Variants in DHX35 observed in about 807,000 individuals in gnomAD.
DHX35 encodes probable ATP-dependent RNA helicase DHX35.
DHX35 carries 84 observed loss-of-function variants against 99.6 expected under a neutral mutation model. The observed-to-expected ratio is 0.84, with a 90% CI of 0.71 to 1.01. DHX35 has a LOEUF of 1.01. Among genes scored for constraint, DHX35 ranks in the 50% least tolerant of loss-of-function variants. The pLI is 0.00. For synonymous variants in DHX35, 331 were observed against 316.2 expected (o/e 1.05, Z -0.50); for missense variants, 852 against 888.5 (o/e 0.96, Z 0.52).
chr20:39,028,967 A>G (rs780881747), intron 19 of DHX35, among the ~76,000 whole-genome samples: 7 of 152,182 alleles, frequency 4.6e-5, no homozygotes, highest in Non-Finnish European at 8.8e-5. Context: ...GCCTCCTGCT[A>G]CATAACCTGA....
chr20:38,977,937 A>G, intron 3 of DHX35: 1 of 606,924 alleles, frequency 1.6e-6, no homozygotes, highest in Non-Finnish European at 3.1e-6. Flanking sequence ...CATCATCATT[A>G]GCAGCAGCAG....
intron 3 of DHX35, among the ~76,000 whole-genome samples, chr20:38,982,767 A>G (rs1484350095): frequency 2.6e-5 from 4 of 152,076 alleles, no homozygotes; most frequent in Non-Finnish European, 5.9e-5. Context: ...TCTTTTTTCT[A>G]TTGTAGAAGT....
At position 39,023,728 on chromosome 20, in the gene DHX35, C is replaced by T. The variant is rs766314648; in HGVS notation, c.1632C>T (p.Asp544=). ...VHRKFAVEEG[D]HLTMLNIYEA... is the part of the protein sequence containing the mutation. ...GTAAATTTGCTGTGGAGGAGGGCGA[C>T]CACCTCACTATGCTCAATATATATG... The change falls in exon 17 of 22, where the codon GAC becomes GAT. Residue 544 remains aspartate (D), a synonymous_variant. Coordinates refer to ENST00000252011, the MANE Select transcript of DHX35 (RefSeq NM_021931.4). 2.5e-6 allele frequency: 4 copies of T among 1,614,066 alleles called. No individual in the cohort carries two copies. Among genetic ancestry groups the T allele is most frequent in the Non-Finnish European group, 3.4e-6 (4 of 1,179,988 alleles).
chr20:39,006,496 C>G (rs1049534415), intron 12 of DHX35, 140 bp downstream of exon 12: 3 of 872,930 alleles, frequency 3.4e-6, no homozygotes, highest in Non-Finnish European at 5.2e-6. Flanking sequence ...AATCAGATCC[C>G]CACTGCTTTC....
At chr20:38,981,800 C>T (rs769489751) in intron 3 of DHX35, among the ~76,000 whole-genome samples, 24 of 151,888 alleles carry the variant, frequency 1.6e-4, no homozygotes, top group Non-Finnish European at 2.5e-4. Flanking sequence ...AAAAATTAGC[C>T]GGGCATGGTG....
chr20:39,023,593 T>A, intron 16 of DHX35, 97 bp from the exon 17 acceptor site: 1 of 1,151,440 alleles, frequency 8.7e-7, no homozygotes, highest in Non-Finnish European at 1.3e-6. Context: ...GTTCAGGCAA[T>A]CCTCCCACCT....
At chr20:39,029,710 C>T (rs1437734254) in intron 19 of DHX35, 5 of 151,996 alleles carry the variant, frequency 3.3e-5, no homozygotes, top group Admixed American at 2.0e-4. Flanking sequence ...TTTTGACTAG[C>T]GTTTGGAAAA....
intron 2 of DHX35, among the ~76,000 whole-genome samples, chr20:38,971,871 A>G (rs1037609081): frequency 3.3e-5 from 5 of 152,106 alleles, no homozygotes; most frequent in African/African-American, 4.8e-5. Flanking sequence ...ACTTTTGTTG[A>G]TCAACATTTA....
At chr20:38,975,838 C>G (rs984153609) in intron 3 of DHX35, among the ~76,000 whole-genome samples, 1 of 152,186 alleles carries the variant, frequency 6.6e-6, no homozygotes, top group Non-Finnish European at 1.5e-5. Context: ...CTTAAAACTT[C>G]TGACCAAAAG....
intron 17 of DHX35, among the ~76,000 whole-genome samples, chr20:39,024,993 T>G (rs2086930151): frequency 6.6e-6 from 1 of 152,224 alleles, no homozygotes; most frequent in Non-Finnish European, 1.5e-5. Context: ...CGTTTCTGCG[T>G]GTCATTAAGT....
chr20:39,025,187 AC>A (rs1326425328), intron 17 of DHX35, 42 bp from the exon 18 acceptor site: 1 of 1,584,572 alleles, frequency 6.3e-7, no homozygotes, highest in Non-Finnish European at 8.6e-7. Context: ...TTAGTCGAGA[AC>A]ATATCTGTTT....
chr20:38,990,001 AT>A (rs1206512021), intron 5 of DHX35, among the ~76,000 whole-genome samples: 4 of 152,232 alleles, frequency 2.6e-5, no homozygotes, highest in African/African-American at 9.6e-5. Context: ...CAATGTAGTG[AT>A]TTGTAAAAAT....
Position 39,025,305 on chromosome 20 carries a change from G to T in DHX35, c.1747G>T (p.Glu583Ter). Residue 583 changes from glutamate (E) to a stop codon, truncating the protein, a stop_gained, in exon 18 of 22, where the codon GAA (glutamate) becomes TAA (stop). Coordinates refer to ENST00000252011, the MANE Select transcript of DHX35 (RefSeq NM_021931.4). LOFTEE classifies it high-confidence loss of function. ...KGLVRAATVR[E>*]QLKKLLVKFQ... ...TCTTGTCAGAGCTGCGACTGTAAGA[G>T]AACAATTGAAAAAGCTTCTTGTCAA... The T allele has an allele frequency of 6.2e-7, 1 of 1,613,728 alleles. No individual in the cohort carries two copies. The highest frequency in any genetic ancestry group is 1.1e-5 in the South Asian group (1 of 90,956).
At chr20:38,997,078 A>T (rs2086442256) in intron 8 of DHX35, among the ~76,000 whole-genome samples, 1 of 150,340 alleles carries the variant, frequency 6.7e-6, no homozygotes, top group African/African-American at 2.5e-5. Flanking sequence ...TTATTTATTT[A>T]TTTATTTTTT....
chr20:39,038,767 C>G lies in DHX35; in HGVS notation c.*224C>G. ...GTGCATGGGCAGGCATCCTTCTGTG[C>G]TGCAGCGGGCAGAGTGGGAGTTGGC... On this transcript the variant is annotated 3_prime_UTR_variant, in exon 22 of 22. Transcript: ENST00000252011. 1 of 582,366 alleles carries G rather than the reference C, an allele frequency of 1.7e-6. No homozygotes were observed. Among genetic ancestry groups the G allele is most frequent in the Non-Finnish European group, 3.1e-6 (1 of 326,656 alleles). 36.1% of individuals were successfully genotyped at this position (582,366 alleles called of 1,614,324 possible).
chr20:39,027,147 A>G (rs1314569404), intron 18 of DHX35, among the ~76,000 whole-genome samples: 1 of 152,154 alleles, frequency 6.6e-6, no homozygotes, highest in African/African-American at 2.4e-5. Context: ...CATATTTTAC[A>G]TGGAAATTTC....
At chr20:39,006,938 C>T (rs1026422150) in intron 12 of DHX35, among the ~76,000 whole-genome samples, 1 of 152,228 alleles carries the variant, frequency 6.6e-6, no homozygotes, top group Admixed American at 6.5e-5. Flanking sequence ...AGCTTGAAGA[C>T]AGCCTTACCT....
At chr20:38,972,730 T>C (rs1190505428) in intron 3 of DHX35, 79 bp downstream of exon 3, 1 of 899,266 alleles carries the variant, frequency 1.1e-6, no homozygotes, top group Admixed American at 2.3e-5. Flanking sequence ...CTCTTTACTA[T>C]CATTTACATT....
chr20:38,965,620 A>AT lies in DHX35; in HGVS notation c.40+3223dup, dbSNP rs201764819. On this transcript the variant is annotated intron_variant, in intron 1 of 21. Coordinates refer to ENST00000252011, the MANE Select transcript of DHX35 (RefSeq NM_021931.4). The stretch of plus-strand genomic sequence containing the variant: ...TATCATATGGGTTCAGAGTTGCCCA[A>AT]TTTTTTTTTTAAGAAGCCTAATATC... Among the ~76,000 whole-genome samples, 29 of 150,304 alleles carry AT rather than the reference A, an allele frequency of 1.9e-4. No individual in the cohort carries two copies. The East Asian group carries it at 1.9e-3, about 10-fold the overall frequency.
Sources: gnomAD v4.1 joint callset for allele counts (sites outside exome capture counted in the v4.1 genomes callset) on GRCh38, gnomAD v4.1.1 for gene constraint, MANE v1.5 for transcripts, NCBI Gene and HGNC (gene_info 2026-07-23, HGNC 2026-07-21) for gene names.